OR3A2: variants seen among roughly 807,000 people sequenced by gnomAD.
The protein encoded by OR3A2 is olfactory receptor family 3 subfamily A member 2.
For synonymous variants in OR3A2, 126 were observed against 159.3 expected (o/e 0.79, Z 1.57); for missense variants, 318 against 392.8 (o/e 0.81, Z 1.61).
chr17:3,300,282 G>T (rs1300339035), intron 3 of OR3A2, among the ~76,000 whole-genome samples: 1 of 152,140 alleles, frequency 6.6e-6, no homozygotes, highest in Non-Finnish European at 1.5e-5. Flanking sequence ...ATGGAGGCTG[G>T]GAGCAGTGGC....
intron 2 of OR3A2, among the ~76,000 whole-genome samples, chr17:3,351,677 A>G (rs1185429337): frequency 6.8e-6 from 1 of 146,810 alleles, no homozygotes; most frequent in Non-Finnish European, 1.5e-5. Context: ...AATTGGAAAA[A>G]ACTACTTTAA....
intron 2 of OR3A2, among the ~76,000 whole-genome samples, chr17:3,338,650 A>C (rs186548613): frequency 4.1e-4 from 63 of 152,312 alleles, no homozygotes; most frequent in Admixed American, 9.2e-4. Context: ...TGGTACCAGT[A>C]CCATGCTGTT....
At chr17:3,346,241 A>G (rs1185340533) in intron 2 of OR3A2, among the ~76,000 whole-genome samples, 1 of 151,946 alleles carries the variant, frequency 6.6e-6, no homozygotes, top group Admixed American at 6.6e-5. Context: ...TATATACTAT[A>G]TTTTCTTTTT....
At chr17:3,322,471 C>G (rs1193867488) in intron 3 of OR3A2, among the ~76,000 whole-genome samples, 1 of 152,128 alleles carries the variant, frequency 6.6e-6, no homozygotes, top group East Asian at 1.9e-4. Flanking sequence ...GTTAGGGCAT[C>G]AATTTTAGAT....
chr17:3,347,077 A>G (rs972305080), intron 2 of OR3A2, among the ~76,000 whole-genome samples: 3 of 152,156 alleles, frequency 2.0e-5, no homozygotes, highest in Admixed American at 2.0e-4. Flanking sequence ...GCTGGATCAT[A>G]GGATAGCTCT....
intron 3 of OR3A2, among the ~76,000 whole-genome samples, chr17:3,294,314 G>A (rs781760844): frequency 4.0e-5 from 6 of 151,824 alleles, no homozygotes; most frequent in Non-Finnish European, 8.8e-5. Flanking sequence ...TTAAAGAAAT[G>A]TAAAATTACT....
intron 2 of OR3A2, among the ~76,000 whole-genome samples, chr17:3,356,543 G>T (rs188677188): frequency 5.8e-4 from 88 of 151,470 alleles, no homozygotes; most frequent in South Asian, 1.5e-3. Context: ...AACCTACCAA[G>T]ATCAAACCAT....
intron 3 of OR3A2, among the ~76,000 whole-genome samples, chr17:3,312,491 A>G (rs1448468893): frequency 2.0e-5 from 3 of 152,170 alleles, no homozygotes; most frequent in African/African-American, 4.8e-5. Flanking sequence ...CTTTCTGACT[A>G]CTTATTAGTA....
intron 3 of OR3A2, among the ~76,000 whole-genome samples, chr17:3,319,684 G>A (rs2049103670): frequency 6.6e-6 from 1 of 152,076 alleles, no homozygotes; most frequent in Admixed American, 6.5e-5. Flanking sequence ...TTTCATCCAT[G>A]TCCCTACAAA....
intron 2 of OR3A2, among the ~76,000 whole-genome samples, chr17:3,341,423 A>G (rs1266755481): frequency 3.3e-5 from 5 of 152,114 alleles, no homozygotes; most frequent in African/African-American, 1.2e-4. Context: ...TTCCACGTTT[A>G]GTGTTTCCTT....
intron 3 of OR3A2, among the ~76,000 whole-genome samples, chr17:3,321,838 T>C (rs1181542991): frequency 3.3e-5 from 5 of 152,118 alleles, no homozygotes; most frequent in African/African-American, 1.2e-4. Flanking sequence ...GGTCTAAAAT[T>C]ATCTTTTGTG....
At position 3,328,677 on chromosome 17, in the gene OR3A2, T is replaced by C. The variant is rs965877944; in HGVS notation, c.-85+7356A>G. Reference sequence around the variant, plus strand: ...GCTTCCAGTTTTTGTCCATTCAGTATGATATTGGCTGTGGGTTTGTCATAG... The same window carrying C: ...GCTTCCAGTTTTTGTCCATTCAGTACGATATTGGCTGTGGGTTTGTCATAG... On this transcript the variant is annotated intron_variant, in intron 3 of 4. Coordinates refer to the OR3A2 transcript ENST00000573491. Among the ~76,000 whole-genome samples, 48 of 150,316 alleles carry C rather than the reference T, an allele frequency of 3.2e-4. 1 individual carries two copies. Among genetic ancestry groups the C allele is most frequent in the African/African-American group, 1.1e-3 (44 of 40,248 alleles).
Position 3,292,231 on chromosome 17 carries a change from G to A in OR3A2, c.-84-13078C>T, listed in dbSNP as rs772479742. ...AATCGGTCATAGGCCATGGCGGTCA[G>A]CAGGAAGCAGTCCACTCCAACGAAC... On this transcript the variant is annotated intron_variant, in intron 3 of 4. Coordinates refer to the OR3A2 transcript ENST00000573491. The A allele has an allele frequency of 5.0e-6, 8 of 1,614,162 alleles. No homozygotes were observed. In the South Asian group the frequency reaches 7.7e-5, roughly 16 times the overall value.
chr17:3,310,322 G>A (rs758998406), intron 3 of OR3A2: 1 of 533,626 alleles, frequency 1.9e-6, no homozygotes, highest in Admixed American at 1.9e-5. Context: ...TGGATCTGGG[G>A]AACTCAGGGA....
At chr17:3,303,980 A>C (rs1023904636) in intron 3 of OR3A2, among the ~76,000 whole-genome samples, 3 of 105,104 alleles carry the variant, frequency 2.9e-5, no homozygotes, top group African/African-American at 1.1e-4. Context: ...TATATATACT[A>C]ATTATTATAC....
At chr17:3,342,951 C>T (rs2049332080) in intron 2 of OR3A2, among the ~76,000 whole-genome samples, 1 of 152,220 alleles carries the variant, frequency 6.6e-6, no homozygotes, top group Admixed American at 6.5e-5. Flanking sequence ...CCTACTCTAG[C>T]CTCAGCAATG....
At chr17:3,353,832 T>C (rs1469214796) in intron 2 of OR3A2, among the ~76,000 whole-genome samples, 1 of 151,814 alleles carries the variant, frequency 6.6e-6, no homozygotes, top group Non-Finnish European at 1.5e-5. Flanking sequence ...CCAATTATAT[T>C]GTTATTTTAA....
At chr17:3,365,849 A>T (rs973404930) in intron 2 of OR3A2, among the ~76,000 whole-genome samples, 4 of 152,220 alleles carry the variant, frequency 2.6e-5, no homozygotes, top group Non-Finnish European at 5.9e-5. Flanking sequence ...TTGCTTATGC[A>T]AAAAGGAAAA....
intron 2 of OR3A2, among the ~76,000 whole-genome samples, chr17:3,372,933 G>C (rs1206044245): frequency 6.8e-6 from 1 of 146,682 alleles, no homozygotes; most frequent in East Asian, 2.0e-4. Context: ...TTTGATGTAG[G>C]CATATAATGC....
Sources: gnomAD v4.1 joint callset for allele counts (sites outside exome capture counted in the v4.1 genomes callset) on GRCh38, gnomAD v4.1.1 for gene constraint, MANE v1.5 for transcripts, NCBI Gene and HGNC (gene_info 2026-07-23, HGNC 2026-07-21) for gene names.